LRRC75B: variants seen among roughly 807,000 people sequenced by gnomAD.
The protein encoded by LRRC75B is leucine-rich repeat-containing protein 75B.
In LRRC75B, 20 loss-of-function variants were observed where a neutral mutation model predicts 16.5. That is an observed-to-expected ratio of 1.21 (90% confidence interval 0.85 to 1.76). The LOEUF is 1.76. Ranked by LOEUF, LRRC75B falls within the 40% of genes most tolerant of loss-of-function variation. The pLI is 0.00. For missense variants in LRRC75B, 406 were observed against 417.0 expected (o/e 0.97, Z 0.23); for synonymous variants, 199 against 198.1 (o/e 1.00, Z -0.04).
In LRRC75B at chr22:24,592,696, T is replaced by G; in HGVS notation, c.177+167A>C. On this transcript the variant is annotated intron_variant, in intron 1 of 3. Coordinates refer to ENST00000318753, the MANE Select transcript of LRRC75B (RefSeq NM_207644.3). Reference sequence around the variant, plus strand: ...CTCGCCCACGCAAGACCCCGCGTGCTGCAGCCTGTCGCGCCCTCGGAACCC... The same window carrying G: ...CTCGCCCACGCAAGACCCCGCGTGCGGCAGCCTGTCGCGCCCTCGGAACCC... 2 of 1,225,228 alleles carry G rather than the reference T, an allele frequency of 1.6e-6. 1 individual carries two copies. The highest frequency in any genetic ancestry group is 2.1e-6 in the Non-Finnish European group (2 of 940,950). The allele number at this position is 1,225,228 out of a possible 1,614,324, so 75.9% of individuals were successfully genotyped here. A position where few individuals can be genotyped will look rare whatever the true frequency, so the allele number is the denominator to read the frequency against.
chr22:24,592,237 G>T, intron 1 of LRRC75B: 1 of 458,422 alleles, frequency 2.2e-6, no homozygotes. Flanking sequence ...TAGGAGCAGA[G>T]CCACCACCGG....
intron 1 of LRRC75B, among the ~76,000 whole-genome samples, chr22:24,590,590 G>A (rs2045540147): frequency 6.6e-6 from 1 of 152,104 alleles, no homozygotes; most frequent in South Asian, 2.1e-4. Context: ...CTTATGGTGG[G>A]GGGGTTTGCT....
At position 24,592,917 on chromosome 22, in the gene LRRC75B, C is replaced by G; in HGVS notation, c.123G>C (p.Thr41=). The G allele has an allele frequency of 1.6e-6, 2 of 1,271,864 alleles. No individual in the cohort carries two copies. The highest frequency in any genetic ancestry group is 2.0e-6 in the Non-Finnish European group (2 of 1,007,532). The allele number at this position is 1,271,864 out of a possible 1,614,324, so 78.8% of individuals were successfully genotyped here. A position where few individuals can be genotyped will look rare whatever the true frequency, so the allele number is the denominator to read the frequency against. Residue 41 remains threonine (T), a synonymous_variant, in exon 1 of 4, where the codon ACG becomes ACC. Coordinates refer to ENST00000318753, the MANE Select transcript of LRRC75B (RefSeq NM_207644.3). The part of the protein sequence containing the change: ...RVRWLREIQS[T]LRERRPERAR... ...CGCGCTCCGGCCGCCGCTCGCGGAG[C>G]GTGGACTGGATCTCGCGGAGCCACC...
rs1426534640 is a variant in LRRC75B at position 24,593,071 on chromosome 22, G to A, written c.-32C>T. 4 of 1,036,836 alleles carry A rather than the reference G, an allele frequency of 3.9e-6. No homozygotes were observed. Among genetic ancestry groups the A allele is most frequent in the African/African-American group, 3.4e-5 (2 of 58,214 alleles). 64.2% of individuals were successfully genotyped at this position (1,036,836 alleles called of 1,614,324 possible). ...CGCGCGATGGTCGCCGAACCCACAG[G>A]AGGCCGGGCTGTCTGCGCCCCGCTC... On this transcript the variant is annotated 5_prime_UTR_variant, in exon 1 of 4. Coordinates refer to ENST00000318753, the MANE Select transcript of LRRC75B (RefSeq NM_207644.3).
Position 24,588,324 on chromosome 22 carries a change from A to C in LRRC75B, c.312T>G (p.Tyr104Ter), listed in dbSNP as rs2045461011. 1 of 1,611,218 alleles carries C rather than the reference A, an allele frequency of 6.2e-7. No homozygotes were observed. The highest frequency in any genetic ancestry group is 2.2e-5 in the East Asian group (1 of 44,856). The change falls in exon 3 of 4, where the codon TAT becomes TAG. Residue 104 changes from tyrosine (Y) to a stop codon, truncating the protein, a stop_gained. Transcript: ENST00000318753. LOFTEE classifies it high-confidence loss of function. Reference sequence around the variant, plus strand: ...TCTTGTCCGAGGACTTCCAGAGCTCATAGTCCTGTGGGAGGGCAGTGTCAC... The same window carrying C: ...TCTTGTCCGAGGACTTCCAGAGCTCCTAGTCCTGTGGGAGGGCAGTGTCAC... ...ARDLQCPKKDYELWKSSDKIC... is the reference protein window; with the variant it reads ...ARDLQCPKKD
chr22:24,586,456 TC>T (rs998943312), intron 3 of LRRC75B, 45 bp from the exon 4 acceptor site: 131 of 1,567,780 alleles, frequency 8.4e-5, no homozygotes, highest in Middle Eastern at 1.7e-4. Context: ...AACCAGGCAG[TC>T]CCCCCACTGA....
In LRRC75B at chr22:24,586,299, C is replaced by T. The variant is rs1219674513; in HGVS notation, c.535G>A (p.Gly179Ser). ...QHITRYLSSH[G>S]AVLAVLDLSF... ...AGGTCCAGCACCGCCAGCACAGCAC[C>T]ATGGCTGCTCAGGTAGCGTGTGATG... Residue 179 changes from glycine to serine, a missense_variant, in exon 4 of 4, where the codon GGT becomes AGT. Physicochemically the swap from Gly to Ser is moderately conservative, Grantham distance 56. Coordinates refer to ENST00000318753, the MANE Select transcript of LRRC75B (RefSeq NM_207644.3). 1.2e-5 allele frequency: 20 copies of T among 1,614,020 alleles called. No homozygotes were observed. The Middle Eastern group carries it at 1.8e-3, about 146-fold the overall frequency.
intron 3 of LRRC75B, 137 bp from the exon 4 acceptor site, chr22:24,586,548 TG>T (rs2045399424): frequency 9.8e-7 from 1 of 1,020,518 alleles, no homozygotes; most frequent in Admixed American, 2.4e-5. Context: ...TCGTATTTTT[TG>T]AGACAAAGTT....
rs2045620576 is a variant in LRRC75B at position 24,593,007 on chromosome 22, GGGCCCGGCCCGCC to G, written c.20_32del (p.Arg7ProfsTer81). 5 of 1,119,188 alleles carry G rather than the reference GGGCCCGGCCCGCC, an allele frequency of 4.5e-6. No individual in the cohort carries two copies. The highest frequency in any genetic ancestry group is 5.0e-5 in the Admixed American group (1 of 20,126). The allele number at this position is 1,119,188 out of a possible 1,614,324, so 69.3% of individuals were successfully genotyped here. A position where few individuals can be genotyped will look rare whatever the true frequency, so the allele number is the denominator to read the frequency against. The stretch of plus-strand genomic sequence containing the variant: ...CCGCCCCGGCCTCAGAGCCAGCCTC[GGGCCCGGCCCGCC>G]GGCCCAGCCGCGCCCCCATGGCCGC... On this transcript the variant is annotated frameshift_variant, in exon 1 of 4. Coordinates refer to ENST00000318753, the MANE Select transcript of LRRC75B (RefSeq NM_207644.3). LOFTEE classifies it high-confidence loss of function.
Position 24,592,877 on chromosome 22 carries a change from G to T in LRRC75B, c.163C>A (p.Arg55Ser). Residue 55 changes from arginine (R) to serine (S), a missense_variant, in exon 1 of 4, where the codon CGC becomes AGC. Coordinates refer to ENST00000318753, the MANE Select transcript of LRRC75B (RefSeq NM_207644.3). ...RRPERARQLLRLLRQDLGLER... is the reference protein window; with the variant it reads ...RRPERARQLLSLLRQDLGLER... ...CCTTCTCTCGCCTGGCGCAGGAGGC[G>T]CAGCAGCTGCCGGGCGCGCTCCGGC... The T allele has an allele frequency of 1.6e-6, 2 of 1,283,012 alleles. No homozygotes were observed. The highest frequency in any genetic ancestry group is 2.3e-5 in the South Asian group (1 of 42,578). The allele number at this position is 1,283,012 out of a possible 1,614,324, so 79.5% of individuals were successfully genotyped here. A position where few individuals can be genotyped will look rare whatever the true frequency, so the allele number is the denominator to read the frequency against.
chr22:24,586,993 C>T (rs760807099), intron 3 of LRRC75B, among the ~76,000 whole-genome samples: 3 of 152,190 alleles, frequency 2.0e-5, no homozygotes, highest in Non-Finnish European at 1.5e-5. Flanking sequence ...GCCCAGCATC[C>T]CACACCTGTT....
chr22:24,586,189 G>A lies in LRRC75B; in HGVS notation c.645C>T (p.Leu215=). 1 of 1,613,788 alleles carries A rather than the reference G, an allele frequency of 6.2e-7. No individual in the cohort carries two copies. The highest frequency in any genetic ancestry group is 2.2e-5 in the East Asian group (1 of 44,890). ...TGGCCCGCGTCAGTCGGTTGCCGTT[G>A]AGCAGGAGCTGGGTGAGGCGGGGCA... ...WALPRLTQLL[L]NGNRLTRATA... The change falls in exon 4 of 4, where the codon CTC becomes CTT. Residue 215 remains leucine, a synonymous_variant. Coordinates refer to ENST00000318753, the MANE Select transcript of LRRC75B (RefSeq NM_207644.3).
chr22:24,589,526 C>G, intron 2 of LRRC75B: 1 of 455,914 alleles, frequency 2.2e-6, no homozygotes, highest in South Asian at 3.9e-5. Flanking sequence ...TGACTTCTGC[C>G]CAGCTATAGT....
At chr22:24,587,217 A>G (rs1004849787) in intron 3 of LRRC75B, among the ~76,000 whole-genome samples, 7 of 152,204 alleles carry the variant, frequency 4.6e-5, no homozygotes, top group African/African-American at 1.7e-4. Flanking sequence ...CACCGGGGAT[A>G]GAGAGGGACA....
rs962830467 is a variant in LRRC75B, at chr22:24,589,724, G to T, written c.306+97C>A. 4.4e-6 allele frequency: 6 copies of T among 1,377,966 alleles called. No individual in the cohort carries two copies. In the African/African-American group the frequency reaches 7.4e-5, roughly 17 times the overall value. 85.4% of individuals were successfully genotyped at this position (1,377,966 alleles called of 1,614,324 possible). On this transcript the variant is annotated intron_variant, in intron 2 of 3. Coordinates refer to ENST00000318753, the MANE Select transcript of LRRC75B (RefSeq NM_207644.3). ...CTTGCCTAAGGCCACACAGCAAGCC[G>T]CAGAAGGACCTAGCCTCCCAGTCCC...
Position 24,588,208 on chromosome 22 carries a change from C to A in LRRC75B, c.422+6G>T. ...TGAGGAGGGGCAGTGGCTGGGCTACCCTTACCAGCTCTGGGTCTTCCTCTG... is the reference window on the plus strand; with the variant it reads ...TGAGGAGGGGCAGTGGCTGGGCTACACTTACCAGCTCTGGGTCTTCCTCTG... On this transcript the variant is annotated splice_donor_region_variant and intron_variant, in intron 3 of 3. Coordinates refer to ENST00000318753, the MANE Select transcript of LRRC75B (RefSeq NM_207644.3). 6.2e-7 allele frequency: 1 copy of A among 1,608,678 alleles called. No homozygotes were observed. The highest frequency in any genetic ancestry group is 1.1e-5 in the South Asian group (1 of 90,160).
At chr22:24,588,852 T>A (rs1446939533) in intron 2 of LRRC75B, 1 of 1,006,874 alleles carries the variant, frequency 9.9e-7, no homozygotes, top group African/African-American at 1.7e-5. Context: ...TGTAATGTTT[T>A]ACAGCACCAC....
Position 24,585,698 on chromosome 22 carries a change from A to G in LRRC75B, c.*188T>C. 1 of 657,718 alleles carries G rather than the reference A, an allele frequency of 1.5e-6. No homozygotes were observed. The highest frequency in any genetic ancestry group is 2.5e-6 in the Non-Finnish European group (1 of 394,098). The allele number at this position is 657,718 out of a possible 1,614,324, so 40.7% of individuals were successfully genotyped here. A position where few individuals can be genotyped will look rare whatever the true frequency, so the allele number is the denominator to read the frequency against. On this transcript the variant is annotated 3_prime_UTR_variant, in exon 4 of 4. Coordinates refer to ENST00000318753, the MANE Select transcript of LRRC75B (RefSeq NM_207644.3). The stretch of plus-strand genomic sequence containing the variant: ...TGCTGGGGCCCCTCCCACTGAGGGA[A>G]GGCTGAGCCTCTAGCCAGGGCTGGC...
rs2045398066 is a variant in LRRC75B, at chr22:24,586,518, C to A, written c.423-107G>T. On this transcript the variant is annotated intron_variant, in intron 3 of 3. Coordinates refer to ENST00000318753, the MANE Select transcript of LRRC75B (RefSeq NM_207644.3). ...AGCCCAGGCCTACAGTCTGGCAAAGCCAGATTCAAACTGTGTCTTTCGTAT... is the reference window on the plus strand; with the variant it reads ...AGCCCAGGCCTACAGTCTGGCAAAGACAGATTCAAACTGTGTCTTTCGTAT... 1.1e-5 allele frequency: 13 copies of A among 1,201,282 alleles called. No individual in the cohort carries two copies. In the South Asian group the frequency reaches 1.9e-4, roughly 18 times the overall value. The allele number at this position is 1,201,282 out of a possible 1,614,324, so 74.4% of individuals were successfully genotyped here.
Sources: gnomAD v4.1 joint callset for allele counts (sites outside exome capture counted in the v4.1 genomes callset) on GRCh38, gnomAD v4.1.1 for gene constraint, MANE v1.5 for transcripts, NCBI Gene and HGNC (gene_info 2026-07-23, HGNC 2026-07-21) for gene names.